Variants in CENPE observed in about 807,000 individuals in gnomAD.
The protein encoded by CENPE is centromere-associated protein E.
A neutral mutation model predicts 336.1 loss-of-function variants in CENPE; 145 were observed. The ratio of observed to expected loss-of-function variants is 0.43; its 90% CI spans 0.38 to 0.50. The LOEUF (loss-of-function observed/expected upper bound fraction) is 0.50, where lower values mean the gene tolerates loss of function less well. Ranked by LOEUF, CENPE falls within the 20% of genes least tolerant of loss-of-function variation. The probability of loss-of-function intolerance (pLI) is 0.00; values close to 1 mark genes in which losing one functional copy is unlikely to be tolerated. For missense variants in CENPE, 2,719 were observed against 3,023.3 expected (o/e 0.90, Z 2.36); for synonymous variants, 1,013 against 984.8 (o/e 1.03, Z -0.54).
chr4:103,191,812 T>C (rs115088212), intron 8 of CENPE, among the ~76,000 whole-genome samples: 1,863 of 151,148 alleles, frequency 0.012, 41 homozygotes, highest in African/African-American at 0.043. Flanking sequence ...TAAATAAAAA[T>C]AAAAAAACGT....
rs374875743 is a variant in CENPE at position 103,174,865 on chromosome 4, G to A, written c.1518C>T (p.Asp506=). 4.6e-6 allele frequency: 7 copies of A among 1,512,098 alleles called. No homozygotes were observed. The African/African-American group carries it at 1.0e-4, about 22-fold the overall frequency. The allele number at this position is 1,512,098 out of a possible 1,614,324, so 93.7% of individuals were successfully genotyped here. ...CATAGTCTAATACCAGATTATCATAGTCAGCACGAAGTGAGTTCAACTCAC... is the reference window on the plus strand; with the variant it reads ...CATAGTCTAATACCAGATTATCATAATCAGCACGAAGTGAGTTCAACTCAC... ...IESELNSLRA[D]YDNLVLDYEQ... The change falls in exon 16 of 49, where the codon GAC becomes GAT. Residue 506 remains aspartate (D), a synonymous_variant. Transcript: ENST00000265148.
rs951169430 is a variant in CENPE at position 103,153,148 on chromosome 4, A to T, written c.3136T>A (p.Phe1046Ile). 3 of 1,612,220 alleles carry T rather than the reference A, an allele frequency of 1.9e-6. No homozygotes were observed. The highest frequency in any genetic ancestry group is 2.7e-5 in the African/African-American group (2 of 74,878). ...NEIIEQQRKI[F>I]SLIQEKNELQ... ...TCATTTTTCTCCTGTATTAAAGAAA[A>T]TATCTTCCTTTGTTGCTCAATTATC... Residue 1046 changes from phenylalanine (F) to isoleucine (I), a missense_variant, in exon 25 of 49, where the codon TTT (phenylalanine) becomes ATT (isoleucine). Around this residue, in one of 5 missense-constraint regions of CENPE, gnomAD observed 2,437 missense variants for 2,513.3 expected, o/e 0.97. Coordinates refer to ENST00000265148, the MANE Select transcript of CENPE (RefSeq NM_001813.3).
At position 103,116,706 on chromosome 4, in the gene CENPE, GAAAATA is replaced by G. The variant is rs1185307792; in HGVS notation, c.7330-23_7330-18del. 7.2e-7 allele frequency: 1 copy of G among 1,382,346 alleles called. No individual in the cohort carries two copies. Among genetic ancestry groups the G allele is most frequent in the East Asian group, 2.4e-5 (1 of 42,090 alleles). 85.6% of individuals were successfully genotyped at this position (1,382,346 alleles called of 1,614,324 possible). On this transcript the variant is annotated intron_variant, in intron 44 of 48. Coordinates refer to ENST00000265148, the MANE Select transcript of CENPE (RefSeq NM_001813.3). Reference sequence around the variant, plus strand: ...AACTTTGTCCTAAATTTTTTTTAGAGAAAATAAAAATAATTATTAGAGGCGCTTCAG... The same window carrying G: ...AACTTTGTCCTAAATTTTTTTTAGAGAAAATAATTATTAGAGGCGCTTCAG...
At chr4:103,171,458 A>G (rs1172939578) in intron 16 of CENPE, among the ~76,000 whole-genome samples, 1 of 152,030 alleles carries the variant, frequency 6.6e-6, no homozygotes, top group Non-Finnish European at 1.5e-5. Flanking sequence ...TTAAAAAGCT[A>G]AGACAAATGA....
At chr4:103,171,641 G>A (rs1166848950) in intron 16 of CENPE, among the ~76,000 whole-genome samples, 2 of 148,652 alleles carry the variant, frequency 1.3e-5, no homozygotes, top group Admixed American at 1.3e-4. Flanking sequence ...ATTAGCAAAT[G>A]GAAAGAATAA....
Position 103,132,862 on chromosome 4 carries a change from G to C in CENPE, c.6755C>G (p.Pro2252Arg), listed in dbSNP as rs757727772. 3 of 1,501,546 alleles carry C rather than the reference G, an allele frequency of 2.0e-6. No individual in the cohort carries two copies. The highest frequency in any genetic ancestry group is 2.7e-6 in the Non-Finnish European group (3 of 1,123,110). The allele number at this position is 1,501,546 out of a possible 1,614,324, so 93.0% of individuals were successfully genotyped here. Residue 2252 changes from proline to arginine, a missense_variant, in exon 42 of 49, where the codon CCT (proline) becomes CGT (arginine). Coordinates refer to ENST00000265148, the MANE Select transcript of CENPE (RefSeq NM_001813.3). Reference protein sequence around the residue: ...ILKDFSESEFPSIKTEFQQVL... With the variant: ...ILKDFSESEFRSIKTEFQQVL... ...TTGTTGAAATTCAGTCTTTATGCTAGGGAACTCACTTTCTGAGAAATCTTT... is the reference window on the plus strand; with the variant it reads ...TTGTTGAAATTCAGTCTTTATGCTACGGAACTCACTTTCTGAGAAATCTTT...
intron 16 of CENPE, among the ~76,000 whole-genome samples, chr4:103,171,821 T>C (rs570773007): frequency 3.3e-5 from 5 of 151,334 alleles, no homozygotes; most frequent in Admixed American, 6.6e-5. Context: ...TTACAATTGA[T>C]ACCACAGAAA....
chr4:103,108,084 A>T (rs931770770), intron 48 of CENPE, among the ~76,000 whole-genome samples: 2 of 151,958 alleles, frequency 1.3e-5, no homozygotes, highest in Non-Finnish European at 2.9e-5. Context: ...ACCTACCCTA[A>T]CGCTGTTGCT....
In CENPE at chr4:103,123,046, G is replaced by A; in HGVS notation, c.6968C>T (p.Thr2323Ile). Residue 2323 changes from threonine (T) to isoleucine (I), a missense_variant, in exon 43 of 49, where the codon ACC becomes ATC. Coordinates refer to ENST00000265148, the MANE Select transcript of CENPE (RefSeq NM_001813.3). ...GTCCTGTTCCCACTCTTTGGATATG[G>A]TAGCACTTCTTTCCTCAAACTCTGT... The part of the protein sequence containing the change: ...ESTEFEERSA[T>I]ISKEWEQDLK... The A allele has an allele frequency of 6.2e-7, 1 of 1,613,818 alleles. No homozygotes were observed. The highest frequency in any genetic ancestry group is 8.5e-7 in the Non-Finnish European group (1 of 1,179,850).
chr4:103,196,306 T>C lies in CENPE; in HGVS notation c.149-54A>G, dbSNP rs145979614. 1.7e-3 allele frequency: 2,219 copies of C among 1,289,488 alleles called. 33 individuals are homozygous for C. The Admixed American group carries it at 0.028, about 16-fold the overall frequency. 79.9% of individuals were successfully genotyped at this position (1,289,488 alleles called of 1,614,324 possible). A position where few individuals can be genotyped will look rare whatever the true frequency, so the allele number is the denominator to read the frequency against. On this transcript the variant is annotated intron_variant, in intron 2 of 48. Transcript: ENST00000265148. ...CAGAAGTTAAATCAAATGAGTCCAC[T>C]GTGTTTTCATTCCAAATTAGTAATT...
chr4:103,113,222 A>G (rs1394818746), intron 46 of CENPE, among the ~76,000 whole-genome samples: 1 of 137,740 alleles, frequency 7.3e-6, no homozygotes, highest in African/African-American at 2.6e-5. Context: ...ATATACTTTT[A>G]AGTATATGTG....
chr4:103,147,704 T>C, intron 28 of CENPE, 58 bp from the exon 29 acceptor site: 1 of 1,514,748 alleles, frequency 6.6e-7, no homozygotes, highest in Admixed American at 2.2e-5. Context: ...CATAATTTTT[T>C]TTTTTTTGAG....
chr4:103,133,638 T>A, intron 41 of CENPE, 57 bp downstream of exon 41: 1 of 1,176,990 alleles, frequency 8.5e-7, no homozygotes. Context: ...AAAAAGTACC[T>A]TTCTACTTGA....
Position 103,133,685 on chromosome 4 carries a change from T to G in CENPE, c.6720+10A>C. ...AAAATCTAACTAAATCCATTTAAAA[T>G]AAATTATACCTCAATATGTAGATCC... On this transcript the variant is annotated intron_variant, in intron 41 of 48. Transcript: ENST00000265148. The G allele has an allele frequency of 1.3e-6, 2 of 1,533,098 alleles. No individual in the cohort carries two copies. Among genetic ancestry groups the G allele is most frequent in the Non-Finnish European group, 1.8e-6 (2 of 1,117,668 alleles). The allele number at this position is 1,533,098 out of a possible 1,614,324, so 95.0% of individuals were successfully genotyped here.
chr4:103,174,540 C>T (rs999002884), intron 16 of CENPE, among the ~76,000 whole-genome samples, 196 bp downstream of exon 16: 2 of 151,916 alleles, frequency 1.3e-5, no homozygotes, highest in South Asian at 2.1e-4. Context: ...TGAGGTAGTA[C>T]ATTTGTTAGC....
intron 41 of CENPE, 34 bp from the exon 42 acceptor site, chr4:103,132,930 A>AT: frequency 1.4e-6 from 1 of 739,446 alleles, no homozygotes; most frequent in Non-Finnish European, 1.9e-6. Flanking sequence ...TTGTTTAAAC[A>AT]TTAGGAAAGT....
In CENPE at chr4:103,180,545, T is replaced by C. The variant is rs568551307; in HGVS notation, c.1084-76A>G. 1.5e-4 allele frequency: 140 copies of C among 928,420 alleles called. No individual in the cohort carries two copies. The African/African-American group carries it at 2.2e-3, about 15-fold the overall frequency. The allele number at this position is 928,420 out of a possible 1,614,324, so 57.5% of individuals were successfully genotyped here. On this transcript the variant is annotated intron_variant, in intron 12 of 48. Coordinates refer to ENST00000265148, the MANE Select transcript of CENPE (RefSeq NM_001813.3). ...AAAACCTTAAAGTAGCATAAAAGAA[T>C]AAAATATTAAATTTGTATATGAACT...
chr4:103,133,756 T>A lies in CENPE; in HGVS notation c.6659A>T (p.Asp2220Val). ...IKIQHLQQDC[D>V]VPSRELRDLK... ...ATCCCTTAATTCTCTGGATGGTACA[T>A]CACAATCTTGTTGAAGGTGCTGTAT... Residue 2220 changes from aspartate (D) to valine (V), a missense_variant, in exon 41 of 49, where the codon GAT becomes GTT. Physicochemically the swap from Asp to Val is radical, Grantham distance 152. This residue lies in a region of CENPE where 2,437 missense variants were observed against 2,513.3 expected (regional missense o/e 0.97). Transcript: ENST00000265148. The A allele has an allele frequency of 6.2e-7, 1 of 1,611,784 alleles. No individual in the cohort carries two copies. The highest frequency in any genetic ancestry group is 8.5e-7 in the Non-Finnish European group (1 of 1,178,436).
intron 47 of CENPE, among the ~76,000 whole-genome samples, 190 bp from the exon 48 acceptor site, chr4:103,109,279 C>T (rs528612662): frequency 6.6e-6 from 1 of 151,996 alleles, no homozygotes; most frequent in Non-Finnish European, 1.5e-5. Flanking sequence ...GTTCAGAAAA[C>T]AAAATGGATC....
Sources: gnomAD v4.1 joint callset for allele counts (sites outside exome capture counted in the v4.1 genomes callset) on GRCh38, gnomAD v4.1.1 for gene constraint, gnomAD v4.1.1 regional missense constraint, MANE v1.5 for transcripts, NCBI Gene and HGNC (gene_info 2026-07-23, HGNC 2026-07-21) for gene names.